NTRK3: variants seen among roughly 807,000 people sequenced by gnomAD.
NTRK3 encodes the protein NT-3 growth factor receptor.
NTRK3 carries 24 observed loss-of-function variants against 91.7 expected under a neutral mutation model. The observed-to-expected ratio is 0.26, with a 90% CI of 0.19 to 0.37. The LOEUF (loss-of-function observed/expected upper bound fraction) is 0.37, where lower values mean the gene tolerates loss of function less well. NTRK3 is among the 10% of genes least tolerant of loss of function. The pLI, the probability that NTRK3 is intolerant of heterozygous loss-of-function variation, is 1.00. For synonymous variants in NTRK3, 483 were observed against 404.0 expected, an observed-to-expected ratio of 1.20 and a Z score of -2.34; for missense variants, 880 against 1,068.9, an observed-to-expected ratio of 0.82 and a Z score of 2.46.
At chr15:88,089,499 T>C (rs58041915) in intron 13 of NTRK3, among the ~76,000 whole-genome samples, 20,177 of 152,236 alleles carry the variant, frequency 0.13, 1,820 homozygotes, top group African/African-American at 0.25. Context: ...GATGTAATAC[T>C]GCACAACTAT....
chr15:88,165,819 C>T (rs932677725), intron 5 of NTRK3, among the ~76,000 whole-genome samples: 1 of 152,130 alleles, frequency 6.6e-6, no homozygotes, highest in South Asian at 2.1e-4. Context: ...TTCCAAAATC[C>T]ACACCCTTGT....
intron 13 of NTRK3, among the ~76,000 whole-genome samples, chr15:88,090,716 C>G (rs2048937910): frequency 6.6e-6 from 1 of 152,138 alleles, no homozygotes; most frequent in Admixed American, 6.5e-5. Flanking sequence ...CCTCCTCCTC[C>G]CTCAATCCTC....
At chr15:87,942,077 G>GT (rs374216748) in intron 14 of NTRK3, among the ~76,000 whole-genome samples, 75 of 152,312 alleles carry the variant, frequency 4.9e-4, no homozygotes, top group African/African-American at 1.7e-3. Context: ...TTGGGGTAGT[G>GT]TTTTTTTGGT....
intron 14 of NTRK3, among the ~76,000 whole-genome samples, chr15:88,005,832 AT>A (rs2076448261): frequency 6.6e-6 from 1 of 152,200 alleles, no homozygotes; most frequent in South Asian, 2.1e-4. Context: ...CTTGAACATT[AT>A]TAGCAACCTA....
chr15:88,164,072 G>A (rs1280872039), intron 5 of NTRK3, among the ~76,000 whole-genome samples: 1 of 152,216 alleles, frequency 6.6e-6, no homozygotes, highest in African/African-American at 2.4e-5. Flanking sequence ...TGTACTGGGT[G>A]TATGGGGTGA....
At chr15:88,121,606 G>A (rs1391443929) in intron 13 of NTRK3, among the ~76,000 whole-genome samples, 2 of 152,176 alleles carry the variant, frequency 1.3e-5, no homozygotes, top group African/African-American at 4.8e-5. Flanking sequence ...ATTTTTATAT[G>A]TTTCTGTAGC....
intron 14 of NTRK3, among the ~76,000 whole-genome samples, chr15:88,029,578 C>T (rs2078347892): frequency 2.0e-5 from 3 of 152,106 alleles, no homozygotes; most frequent in Admixed American, 6.6e-5. Context: ...CAATTCCACC[C>T]CACATTACAC....
chr15:88,039,402 T>C (rs2142109373), intron 13 of NTRK3, among the ~76,000 whole-genome samples: 1 of 152,310 alleles, frequency 6.6e-6, no homozygotes, highest in South Asian at 2.1e-4. Flanking sequence ...GTTTTTTTCT[T>C]CAGATCCACG....
chr15:88,126,930 C>T (rs1249922008), intron 12 of NTRK3, among the ~76,000 whole-genome samples: 1 of 152,176 alleles, frequency 6.6e-6, no homozygotes, highest in African/African-American at 2.4e-5. Flanking sequence ...TCCTAACAGA[C>T]TGGGGATTTT....
At chr15:88,139,241 G>A (rs1259934261) in intron 6 of NTRK3, among the ~76,000 whole-genome samples, 5 of 152,164 alleles carry the variant, frequency 3.3e-5, no homozygotes, top group Admixed American at 3.3e-4. Flanking sequence ...GATTATTAAG[G>A]AGACAATGAA....
At chr15:88,036,195 C>CACAT (rs919411415) in intron 13 of NTRK3, among the ~76,000 whole-genome samples, 44 of 152,154 alleles carry the variant, frequency 2.9e-4, no homozygotes, top group African/African-American at 1.1e-3. Context: ...CACATACACG[C>CACAT]ACATACACAC....
chr15:88,026,164 A>G (rs1253618949), intron 14 of NTRK3, among the ~76,000 whole-genome samples: 2 of 151,954 alleles, frequency 1.3e-5, no homozygotes, highest in African/African-American at 2.4e-5. Flanking sequence ...CCAGCTACTC[A>G]GGAGGCTGAG....
chr15:88,133,440 G>T (rs935500583), intron 10 of NTRK3, among the ~76,000 whole-genome samples: 14 of 152,060 alleles, frequency 9.2e-5, no homozygotes, highest in Non-Finnish European at 1.6e-4. Flanking sequence ...AGCATTCTAG[G>T]GTTCCCCCCT....
chr15:88,025,027 G>C (rs2077911038), intron 14 of NTRK3, among the ~76,000 whole-genome samples: 1 of 152,142 alleles, frequency 6.6e-6, no homozygotes, highest in Non-Finnish European at 1.5e-5. Context: ...AGAAAGGTTG[G>C]TACAATCACA....
intron 5 of NTRK3, among the ~76,000 whole-genome samples, chr15:88,150,392 G>A (rs970739806): frequency 6.6e-6 from 1 of 152,204 alleles, no homozygotes; most frequent in Non-Finnish European, 1.5e-5. Flanking sequence ...CAGACATTCT[G>A]GGCAAATAAA....
intron 3 of NTRK3, among the ~76,000 whole-genome samples, chr15:88,194,264 G>T (rs140550232): frequency 6.6e-6 from 1 of 152,174 alleles, no homozygotes; most frequent in Non-Finnish European, 1.5e-5. Context: ...GGAGCCTGGG[G>T]CTCCTCTATT....
chr15:88,001,507 T>G (rs1328116252), intron 14 of NTRK3, among the ~76,000 whole-genome samples: 1 of 152,198 alleles, frequency 6.6e-6, no homozygotes, highest in Non-Finnish European at 1.5e-5. Context: ...TTTGAGTTAA[T>G]TTTTGTATAT....
chr15:88,110,934 T>A (rs11073762), intron 13 of NTRK3, among the ~76,000 whole-genome samples: 92,532 of 151,894 alleles, frequency 0.61, 29,246 homozygotes, highest in African/African-American at 0.78. Flanking sequence ...GATGGAATGG[T>A]GGGGTGGCAG....
chr15:87,957,055 A>T (rs2071743755), intron 14 of NTRK3, among the ~76,000 whole-genome samples: 1 of 152,130 alleles, frequency 6.6e-6, no homozygotes, highest in Admixed American at 6.5e-5. Flanking sequence ...ACTCAACGTG[A>T]CCCATGGAGC....
Sources: allele counts gnomAD v4.1 joint callset (sites outside exome capture counted in the v4.1 genomes callset), GRCh38; gene constraint gnomAD v4.1.1; transcripts MANE v1.5; gene names NCBI Gene and HGNC (gene_info 2026-07-23, HGNC 2026-07-21).